Variants in CARMIL1 observed in about 807,000 individuals in gnomAD.
CARMIL1 encodes the protein capping protein regulator and myosin 1 linker 1, also known as F-actin-uncapping protein LRRC16A.
In CARMIL1, 90 loss-of-function variants were observed where a neutral mutation model predicts 177.1. The ratio of observed to expected loss-of-function variants is 0.51; its 90% confidence interval spans 0.43 to 0.61. The LOEUF (loss-of-function observed/expected upper bound fraction) is 0.61, where lower values mean the gene tolerates loss of function less well. Ranked by LOEUF, CARMIL1 falls within the 20% of genes least tolerant of loss-of-function variation. The pLI, the probability that CARMIL1 is intolerant of heterozygous loss-of-function variation, is 0.00. For synonymous variants in CARMIL1, 577 were observed against 606.2 expected (o/e 0.95, Z 0.71); for missense variants, 1,380 against 1,667.0 (o/e 0.83, Z 3.00).
In CARMIL1 at chr6:25,392,475, C is replaced by T. The variant is rs115537398; in HGVS notation, c.139-27639C>T. On this transcript the variant is annotated intron_variant, in intron 2 of 36. Coordinates refer to ENST00000329474, the MANE Select transcript of CARMIL1 (RefSeq NM_017640.6). ...TTGCCAATATTTGAAGTCTGTTTTC[C>T]TGTCATTCTTATGTCTTTTCTCCTA... Among the ~76,000 whole-genome samples the T allele has an allele frequency of 7.4e-3, 1,128 of 152,236 alleles. 11 individuals are homozygous for T. The highest frequency in any genetic ancestry group is 0.025 in the African/African-American group (1,051 of 41,546).
chr6:25,571,152 C>A (rs376588047), intron 29 of CARMIL1, among the ~76,000 whole-genome samples: 59 of 152,028 alleles, frequency 3.9e-4, no homozygotes, highest in African/African-American at 1.4e-3. Flanking sequence ...TAATCTAGTT[C>A]ATTAAACAGG....
chr6:25,317,582 A>G (rs1387756435), intron 2 of CARMIL1, among the ~76,000 whole-genome samples: 19 of 83,224 alleles, frequency 2.3e-4, no homozygotes, highest in African/African-American at 1.8e-3. Context: ...TTTTTTTTTA[A>G]TAGAGATGGG....
intron 35 of CARMIL1, among the ~76,000 whole-genome samples, chr6:25,606,491 G>T (rs187429981): frequency 3.9e-5 from 6 of 152,216 alleles, no homozygotes; most frequent in African/African-American, 1.4e-4. Context: ...GAGAGTTGGG[G>T]ACTCTGAGAC....
At chr6:25,601,095 T>C (rs1257811672) in intron 33 of CARMIL1, among the ~76,000 whole-genome samples, 1 of 152,110 alleles carries the variant, frequency 6.6e-6, no homozygotes, top group African/African-American at 2.4e-5. Flanking sequence ...TAAGTGGGGG[T>C]TCATTTTTGA....
At chr6:25,556,979 C>G in intron 29 of CARMIL1, 129 bp downstream of exon 29, 1 of 993,288 alleles carries the variant, frequency 1.0e-6, no homozygotes. Flanking sequence ...TCAGACAATT[C>G]TTTCAGAAAA....
At chr6:25,367,921 G>A (rs950456395) in intron 2 of CARMIL1, among the ~76,000 whole-genome samples, 11 of 152,244 alleles carry the variant, frequency 7.2e-5, no homozygotes, top group East Asian at 1.9e-4. Flanking sequence ...CACCATACCC[G>A]GCTGATTTTT....
chr6:25,591,739 C>T (rs1814320112), intron 31 of CARMIL1, among the ~76,000 whole-genome samples: 1 of 152,192 alleles, frequency 6.6e-6, no homozygotes. Context: ...GCATTTTAAA[C>T]CATGTCTCAT....
At chr6:25,600,860 T>G in intron 33 of CARMIL1, 114 bp downstream of exon 33, 1 of 971,288 alleles carries the variant, frequency 1.0e-6, no homozygotes, top group South Asian at 2.2e-5. Flanking sequence ...ACATTTAACT[T>G]TCCTTTATGC....
intron 2 of CARMIL1, among the ~76,000 whole-genome samples, chr6:25,311,174 T>C (rs996212717): frequency 2.6e-5 from 4 of 152,148 alleles, no homozygotes; most frequent in African/African-American, 7.2e-5. Context: ...AGAGCAAGAC[T>C]CTTGTCTCAA....
At chr6:25,329,816 A>G (rs1040409655) in intron 2 of CARMIL1, among the ~76,000 whole-genome samples, 38 of 152,344 alleles carry the variant, frequency 2.5e-4, no homozygotes, top group African/African-American at 8.2e-4. Context: ...TGAAAAGATA[A>G]CAGGGATATC....
intron 2 of CARMIL1, among the ~76,000 whole-genome samples, chr6:25,415,647 G>A (rs531224001): frequency 1.3e-5 from 2 of 152,098 alleles, no homozygotes; most frequent in African/African-American, 2.4e-5. Flanking sequence ...CACAGGGGAC[G>A]TTGTAATCAC....
chr6:25,281,335 A>T (rs1266765639), intron 1 of CARMIL1, among the ~76,000 whole-genome samples: 1 of 151,912 alleles, frequency 6.6e-6, no homozygotes, highest in African/African-American at 2.4e-5. Context: ...AGGTCCTGAG[A>T]ATGAGTGTAG....
At chr6:25,547,459 G>T (rs1001991788) in intron 26 of CARMIL1, among the ~76,000 whole-genome samples, 12 of 152,156 alleles carry the variant, frequency 7.9e-5, no homozygotes, top group African/African-American at 2.9e-4. Flanking sequence ...CAAAAAAACA[G>T]ATCCAATAAA....
intron 2 of CARMIL1, among the ~76,000 whole-genome samples, chr6:25,375,629 TA>T (rs1790897480): frequency 6.6e-6 from 1 of 152,250 alleles, no homozygotes; most frequent in Non-Finnish European, 1.5e-5. Flanking sequence ...CCATTGATTC[TA>T]AGGCTTGACT....
At position 25,550,951 on chromosome 6, in the gene CARMIL1, T is replaced by G; in HGVS notation, c.2370T>G (p.Cys790Trp). The change falls in exon 27 of 37, where the codon TGT becomes TGG. Residue 790 changes from cysteine (C) to tryptophan (W), a missense_variant. Physicochemically the swap from Cys to Trp is radical, Grantham distance 215. Transcript: ENST00000329474. ...TGGTTGATGCTGCTGAGAATCTTTG[T>G]CCCAATGTGATGAAAAAAGCCCACA... is the stretch of plus-strand genomic sequence containing the variant. ...ESMVDAAENL[C>W]PNVMKKAHIR... The G allele has an allele frequency of 6.2e-7, 1 of 1,613,496 alleles. No homozygotes were observed. The highest frequency in any genetic ancestry group is 8.5e-7 in the Non-Finnish European group (1 of 1,179,578).
chr6:25,331,089 G>A (rs999580569), intron 2 of CARMIL1, among the ~76,000 whole-genome samples: 2 of 152,160 alleles, frequency 1.3e-5, no homozygotes, highest in Non-Finnish European at 2.9e-5. Flanking sequence ...GAGGCACTCA[G>A]TATATTCTTC....
intron 11 of CARMIL1, among the ~76,000 whole-genome samples, chr6:25,479,479 T>C (rs1241443031): frequency 1.3e-5 from 2 of 152,246 alleles, no homozygotes; most frequent in African/African-American, 2.4e-5. Context: ...CCTCGAGTTA[T>C]AATTCAACGC....
intron 8 of CARMIL1, among the ~76,000 whole-genome samples, chr6:25,456,209 A>G (rs1245407371): frequency 6.6e-6 from 1 of 152,144 alleles, no homozygotes; most frequent in Non-Finnish European, 1.5e-5. Context: ...TCCTATTTCT[A>G]TATATCTTGC....
At chr6:25,581,084 A>G in intron 30 of CARMIL1, 94 bp downstream of exon 30, 1 of 1,315,928 alleles carries the variant, frequency 7.6e-7, no homozygotes, top group Non-Finnish European at 1.1e-6. Context: ...TTATGGATGC[A>G]CTACATGGGT....
Sources: allele counts gnomAD v4.1 joint callset (sites outside exome capture counted in the v4.1 genomes callset), GRCh38; gene constraint gnomAD v4.1.1; transcripts MANE v1.5; gene names NCBI Gene and HGNC (gene_info 2026-07-23, HGNC 2026-07-21).